Variants in NBEA observed in about 807,000 individuals in gnomAD.
The protein encoded by NBEA is neurobeachin, also known as lysosomal-trafficking regulator 2.
In NBEA, 44 loss-of-function variants were observed where a neutral mutation model predicts 343.4. The ratio of observed to expected loss-of-function variants is 0.13; its 90% CI spans 0.10 to 0.16. The LOEUF is 0.16. Among genes scored for constraint, NBEA ranks in the 10% least tolerant of loss-of-function variants. The pLI is 1.00. For missense variants in NBEA, 2,555 were observed against 3,631.3 expected, an observed-to-expected ratio of 0.70 and a Z score of 7.62; for synonymous variants, 1,175 against 1,238.7, an observed-to-expected ratio of 0.95 and a Z score of 1.08.
intron 16 of NBEA, among the ~76,000 whole-genome samples, chr13:35,121,295 C>G (rs1216151654): frequency 6.6e-6 from 1 of 151,908 alleles, no homozygotes; most frequent in Non-Finnish European, 1.5e-5. Context: ...TTGGTAGAGA[C>G]AGGGTTTCAC....
At chr13:35,511,473 C>T (rs1235320146) in intron 41 of NBEA, among the ~76,000 whole-genome samples, 3 of 152,094 alleles carry the variant, frequency 2.0e-5, no homozygotes, top group Non-Finnish European at 4.4e-5. Flanking sequence ...ACAGATTTTT[C>T]GAGCAAGGAA....
intron 36 of NBEA, among the ~76,000 whole-genome samples, chr13:35,322,533 G>A (rs548027360): frequency 1.2e-4 from 18 of 152,268 alleles, no homozygotes; most frequent in African/African-American, 4.1e-4. Flanking sequence ...GGTTTATCTC[G>A]CTAGGAGCTG....
intron 35 of NBEA, among the ~76,000 whole-genome samples, chr13:35,296,611 A>G (rs986030757): frequency 2.0e-5 from 3 of 151,902 alleles, no homozygotes; most frequent in African/African-American, 4.8e-5. Context: ...TTCTTTCCAT[A>G]CTTTGTCTCA....
intron 6 of NBEA, 27 bp from the exon 7 acceptor site, chr13:35,055,983 T>G: frequency 6.5e-7 from 1 of 1,537,648 alleles, no homozygotes; most frequent in Non-Finnish European, 8.8e-7. Flanking sequence ...ACATTACATA[T>G]TGATATATTT....
intron 11 of NBEA, among the ~76,000 whole-genome samples, chr13:35,108,749 T>C (rs1220812715): frequency 6.6e-6 from 1 of 152,066 alleles, no homozygotes; most frequent in Non-Finnish European, 1.5e-5. Flanking sequence ...AATAGGTACA[T>C]GGTGATAGTA....
At chr13:35,487,930 A>C (rs1420418076) in intron 41 of NBEA, among the ~76,000 whole-genome samples, 3 of 151,980 alleles carry the variant, frequency 2.0e-5, no homozygotes, top group Admixed American at 1.3e-4. Flanking sequence ...GGATTGGTAC[A>C]TGTAAAGTGG....
chr13:34,964,254 G>A (rs897013702), intron 1 of NBEA, among the ~76,000 whole-genome samples: 1 of 151,928 alleles, frequency 6.6e-6, no homozygotes, highest in Non-Finnish European at 1.5e-5. Context: ...CTGAGCTTTG[G>A]ATGTTTAAAT....
intron 41 of NBEA, among the ~76,000 whole-genome samples, chr13:35,495,842 CA>C (rs1321854699): frequency 6.6e-6 from 1 of 151,946 alleles, no homozygotes; most frequent in Non-Finnish European, 1.5e-5. Context: ...CTACAGTTGA[CA>C]AACTGAACAG....
chr13:35,001,287 A>T (rs2061129682), intron 1 of NBEA, among the ~76,000 whole-genome samples: 1 of 152,140 alleles, frequency 6.6e-6, no homozygotes, highest in East Asian at 1.9e-4. Context: ...CTGAAAATAG[A>T]ACTACCATAT....
intron 55 of NBEA, among the ~76,000 whole-genome samples, chr13:35,662,690 T>G (rs554563762): frequency 1.8e-4 from 28 of 152,158 alleles, no homozygotes; most frequent in Admixed American, 1.3e-4. Context: ...TATTTTAAAC[T>G]CTCTAAATCA....
intron 58 of NBEA, among the ~76,000 whole-genome samples, chr13:35,670,107 G>A (rs183828025): frequency 6.6e-6 from 1 of 152,246 alleles, no homozygotes; most frequent in Admixed American, 6.5e-5. Flanking sequence ...AACATATATT[G>A]GGGATATTAC....
intron 1 of NBEA, among the ~76,000 whole-genome samples, chr13:34,998,501 C>G (rs539606093): frequency 6.6e-6 from 1 of 152,086 alleles, no homozygotes; most frequent in Non-Finnish European, 1.5e-5. Flanking sequence ...CAGCTAAGAC[C>G]GTAAGAGACA....
chr13:35,298,353 G>T (rs1207858819), intron 35 of NBEA, among the ~76,000 whole-genome samples: 1 of 150,862 alleles, frequency 6.6e-6, no homozygotes, highest in East Asian at 1.9e-4. Flanking sequence ...CTAATTATGT[G>T]TCAGAGATTC....
At chr13:35,386,004 A>C (rs1181018166) in intron 38 of NBEA, among the ~76,000 whole-genome samples, 2 of 152,174 alleles carry the variant, frequency 1.3e-5, no homozygotes, top group African/African-American at 4.8e-5. Context: ...TAATTACATT[A>C]ATGTGCCAGG....
At chr13:35,435,039 G>A (rs1012898280) in intron 39 of NBEA, among the ~76,000 whole-genome samples, 6 of 152,114 alleles carry the variant, frequency 3.9e-5, no homozygotes, top group African/African-American at 1.4e-4. Flanking sequence ...TTGTTTGTTT[G>A]TTTGTTGTGA....
intron 49 of NBEA, among the ~76,000 whole-genome samples, chr13:35,629,851 A>G (rs1052785861): frequency 6.6e-6 from 1 of 152,062 alleles, no homozygotes; most frequent in Non-Finnish European, 1.5e-5. Flanking sequence ...TTTTAGAATC[A>G]GAAAAAAAGA....
chr13:35,208,202 G>A (rs1048883761), intron 31 of NBEA, among the ~76,000 whole-genome samples: 2 of 152,060 alleles, frequency 1.3e-5, no homozygotes, highest in Admixed American at 1.3e-4. Context: ...CTGGGTGACC[G>A]AGTGAAATTC....
chr13:35,297,967 T>TAC (rs1211721509), intron 35 of NBEA, among the ~76,000 whole-genome samples: 2 of 151,612 alleles, frequency 1.3e-5, no homozygotes, highest in Non-Finnish European at 3.0e-5. Context: ...CCAGTCCCCC[T>TAC]ACACAGTCAA....
intron 11 of NBEA, among the ~76,000 whole-genome samples, chr13:35,100,418 A>G (rs759948675): frequency 3.9e-5 from 6 of 152,006 alleles, no homozygotes; most frequent in Non-Finnish European, 8.8e-5. Context: ...TTTTTGAATG[A>G]CAGAATACTC....
Sources: allele counts gnomAD v4.1 joint callset (sites outside exome capture counted in the v4.1 genomes callset), GRCh38; gene constraint gnomAD v4.1.1; transcripts MANE v1.5; gene names NCBI Gene and HGNC (gene_info 2026-07-23, HGNC 2026-07-21).